Variants in ABCB10 observed in about 807,000 individuals in gnomAD.
ABCB10 encodes ATP binding cassette subfamily B member 10, also known as ATP-binding cassette sub-family B member 10, mitochondrial.
In ABCB10, 54 loss-of-function variants were observed where a neutral mutation model predicts 65.4. The ratio of observed to expected loss-of-function variants is 0.83; its 90% CI spans 0.66 to 1.04. The LOEUF is 1.04. Ranked by LOEUF, ABCB10 falls within the 50% of genes least tolerant of loss-of-function variation. The pLI is 0.00. For missense variants in ABCB10, 846 were observed against 976.6 expected (o/e 0.87, Z 1.78); for synonymous variants, 418 against 406.5 (o/e 1.03, Z -0.34).
chr1:229,529,311 A>G (rs1314288476), intron 8 of ABCB10, among the ~76,000 whole-genome samples: 11 of 127,496 alleles, frequency 8.6e-5, no homozygotes, highest in African/African-American at 3.0e-4. Context: ...AAAAAAAAAA[A>G]AAAAAAAAAA....
rs1662791313 is a variant in ABCB10 at position 229,539,469 on chromosome 1, T to G, written c.1326A>C (p.Gly442=). Residue 442 remains glycine, a synonymous_variant, in exon 6 of 13, where the codon GGA becomes GGC. Transcript: ENST00000344517. Reference sequence around the variant, plus strand: ...TAAATTATTTACCTCCAATGCTTATTCCAACCCAGAAAGCATACATTAGGA... The same window carrying G: ...TAAATTATTTACCTCCAATGCTTATGCCAACCCAGAAAGCATACATTAGGA... ...SSFLMYAFWV[G]ISIGGLSSFY... is the part of the protein sequence containing the mutation. 1.9e-6 allele frequency: 3 copies of G among 1,614,006 alleles called. No homozygotes were observed. The highest frequency in any genetic ancestry group is 1.7e-4 in the Middle Eastern group (1 of 6,058).
chr1:229,530,451 T>TA, intron 7 of ABCB10, 43 bp from the exon 8 acceptor site: 3 of 1,603,950 alleles, frequency 1.9e-6, no homozygotes, highest in Non-Finnish European at 2.6e-6. Flanking sequence ...AGCAAAAAAT[T>TA]AAACTCAAAA....
At chr1:229,541,959 A>G (rs546948530) in intron 4 of ABCB10, among the ~76,000 whole-genome samples, 4 of 151,266 alleles carry the variant, frequency 2.6e-5, no homozygotes, top group Non-Finnish European at 4.4e-5. Flanking sequence ...CTCAAAAAAA[A>G]AAAACAAAAA....
Position 229,518,478 on chromosome 1 carries a change from C to G in ABCB10, c.1986-68G>C, listed in dbSNP as rs1662230026. ...ACACCCATGTGCTTCCTGATACACA[C>G]AGCAGCCCTTCCTGAGCAATGAATT... On this transcript the variant is annotated intron_variant, in intron 12 of 12. Transcript: ENST00000344517. 11 of 1,289,892 alleles carry G rather than the reference C, an allele frequency of 8.5e-6. No homozygotes were observed. The South Asian group carries it at 8.6e-5, about 10-fold the overall frequency. The allele number at this position is 1,289,892 out of a possible 1,614,324, so 79.9% of individuals were successfully genotyped here.
rs182855394 is a variant in ABCB10, at chr1:229,530,135, G to A, written c.1645+64C>T. ...TTTGCATGGTTTGAGCATCTCCTAGGGCGCAAAAGTGGGAGCAGAGCTCGG... is the reference window on the plus strand; with the variant it reads ...TTTGCATGGTTTGAGCATCTCCTAGAGCGCAAAAGTGGGAGCAGAGCTCGG... On this transcript the variant is annotated intron_variant, in intron 8 of 12. Transcript: ENST00000344517. The A allele has an allele frequency of 7.2e-4, 1,100 of 1,519,532 alleles. 15 individuals carry two copies. The African/African-American group carries it at 0.014, about 19-fold the overall frequency. The allele number at this position is 1,519,532 out of a possible 1,614,324, so 94.1% of individuals were successfully genotyped here. A position where few individuals can be genotyped will look rare whatever the true frequency, so the allele number is the denominator to read the frequency against.
chr1:229,532,345 T>C (rs563301628), intron 6 of ABCB10, among the ~76,000 whole-genome samples: 1 of 152,330 alleles, frequency 6.6e-6, no homozygotes, highest in African/African-American at 2.4e-5. Context: ...AAAATCATAA[T>C]GCCGCAGAGG....
At chr1:229,543,666 G>A (rs1251337786) in intron 3 of ABCB10, among the ~76,000 whole-genome samples, 23 of 152,180 alleles carry the variant, frequency 1.5e-4, no homozygotes, top group Admixed American at 1.5e-3. Context: ...TAATAAACAA[G>A]TAAAAGAAAG....
chr1:229,518,863 G>T lies in ABCB10; in HGVS notation c.1963C>A (p.Leu655Ile), dbSNP rs766317703. 5.6e-6 allele frequency: 9 copies of T among 1,598,094 alleles called. No homozygotes were observed. The East Asian group carries it at 1.1e-4, about 20-fold the overall frequency. ...CACCTGGTTGCTTCATCTAGGAGAA[G>T]AATTTTGGGATTCTGAAGAAGGAAA... is the stretch of plus-strand genomic sequence containing the variant. ...ARALLKNPKILLLDEATSALD... is the reference protein window; with the variant it reads ...ARALLKNPKIILLDEATSALD... The change falls in exon 12 of 13, where the codon CTT becomes ATT. Residue 655 changes from leucine (L) to isoleucine (I), a missense_variant. Leu to Ile is a conservative substitution (Grantham distance 5). Transcript: ENST00000344517.
In ABCB10 at chr1:229,549,265, A is replaced by G; in HGVS notation, c.687T>C (p.Asn229=). 6.2e-7 allele frequency: 1 copy of G among 1,614,100 alleles called. No individual in the cohort carries two copies. Among genetic ancestry groups the G allele is most frequent in the Non-Finnish European group, 8.5e-7 (1 of 1,180,010 alleles). ...SAVFLCGAAA[N]AIRVYLMQTS... is the part of the protein sequence containing the mutation. ...TTTGCATGAGGTAGACACGAATGGC[A>G]TTGGCGGCAGCACCACACAGAAACA... Residue 229 remains asparagine, a synonymous_variant, in exon 2 of 13, where the codon AAT becomes AAC. Transcript: ENST00000344517.
intron 4 of ABCB10, 82 bp from the exon 5 acceptor site, chr1:229,540,834 T>A: frequency 6.9e-7 from 1 of 1,440,724 alleles, no homozygotes; most frequent in Non-Finnish European, 9.3e-7. Flanking sequence ...AATGTGGTTC[T>A]CATTTTGTTA....
In ABCB10 at chr1:229,522,589, C is replaced by T. The variant is rs377383971; in HGVS notation, c.1907-954G>A. ...GATGATAAACTGAGATACAAAGTAG[C>T]ATGTCCAGGATCTCATAGTTGGTAA... On this transcript the variant is annotated intron_variant, in intron 10 of 12. Coordinates refer to ENST00000344517, the MANE Select transcript of ABCB10 (RefSeq NM_012089.3). 1.7e-4 allele frequency among the ~76,000 whole-genome samples: 26 copies of T among 152,324 alleles called. No homozygotes were observed. The East Asian group carries it at 2.1e-3, about 12-fold the overall frequency.
At chr1:229,547,824 G>C in intron 2 of ABCB10, 123 bp from the exon 3 acceptor site, 1 of 849,800 alleles carries the variant, frequency 1.2e-6, no homozygotes, top group Non-Finnish European at 1.9e-6. Context: ...TGCAGCCTCT[G>C]AGCGTGTCTG....
At chr1:229,542,458 T>C (rs1006103644) in intron 3 of ABCB10, 87 bp from the exon 4 acceptor site, 1 of 1,470,278 alleles carries the variant, frequency 6.8e-7, no homozygotes, top group Non-Finnish European at 9.2e-7. Flanking sequence ...AGTGTGTGTG[T>C]GGGTGTGTCT....
At chr1:229,542,039 C>G (rs183805298) in intron 4 of ABCB10, among the ~76,000 whole-genome samples, 198 bp downstream of exon 4, 47 of 151,456 alleles carry the variant, frequency 3.1e-4, no homozygotes, top group Admixed American at 1.2e-3. Context: ...GAAGTTAGAT[C>G]TACTTTGAGA....
At chr1:229,530,085 A>G in intron 8 of ABCB10, 114 bp downstream of exon 8, 1 of 1,056,342 alleles carries the variant, frequency 9.5e-7, no homozygotes, top group Non-Finnish European at 1.4e-6. Context: ...CACTTAGAAA[A>G]GAAGGTACTC....
intron 10 of ABCB10, 66 bp downstream of exon 10, chr1:229,525,870 A>C: frequency 1.3e-6 from 2 of 1,523,510 alleles, no homozygotes; most frequent in Non-Finnish European, 1.8e-6. Context: ...AAACAAAAAA[A>C]ACAAGAAACA....
intron 1 of ABCB10, among the ~76,000 whole-genome samples, chr1:229,550,634 C>G (rs940691157): frequency 7.3e-5 from 11 of 150,818 alleles, no homozygotes; most frequent in African/African-American, 2.4e-4. Context: ...GGGTAGGTCA[C>G]TTCAGCTCAG....
Position 229,542,369 on chromosome 1 carries a change from A to C in ABCB10, c.924T>G (p.Phe308Leu). 1 of 1,607,746 alleles carries C rather than the reference A, an allele frequency of 6.2e-7. No homozygotes were observed. The highest frequency in any genetic ancestry group is 8.5e-7 in the Non-Finnish European group (1 of 1,178,246). The change falls in exon 4 of 13, where the codon TTT (phenylalanine) becomes TTG (leucine). Residue 308 changes from phenylalanine (F) to leucine (L), a missense_variant and splice_region_variant. Phe to Leu is a conservative substitution (Grantham distance 22). This residue lies in a region of ABCB10 where 632 missense variants were observed against 803.2 expected (regional missense o/e 0.79). Coordinates refer to ENST00000344517, the MANE Select transcript of ABCB10 (RefSeq NM_012089.3). ...AQASVGISMM[F>L]FVSPNLATFV... ...AGGTGGCCAGATTAGGTGAGACAAAAAACTGTCAAAAACAAAAAAAAATTC... is the reference window on the plus strand; with the variant it reads ...AGGTGGCCAGATTAGGTGAGACAAACAACTGTCAAAAACAAAAAAAAATTC...
chr1:229,530,191 C>G lies in ABCB10; in HGVS notation c.1645+8G>C. ...TCCCTCGGTGCTACAGTGTGGTGAA[C>G]TGCTTACCAGAAGCAGGGTCGTACA... On this transcript the variant is annotated splice_region_variant and intron_variant, in intron 8 of 12. Transcript: ENST00000344517. The G allele has an allele frequency of 6.2e-7, 1 of 1,613,470 alleles. No homozygotes were observed. Among genetic ancestry groups the G allele is most frequent in the Non-Finnish European group, 8.5e-7 (1 of 1,179,858 alleles).
Sources: gnomAD v4.1 joint callset for allele counts (sites outside exome capture counted in the v4.1 genomes callset) on GRCh38, gnomAD v4.1.1 for gene constraint, gnomAD v4.1.1 regional missense constraint, MANE v1.5 for transcripts, NCBI Gene and HGNC (gene_info 2026-07-23, HGNC 2026-07-21) for gene names.